Variants in SEMA5A observed in about 807,000 individuals in gnomAD.
SEMA5A encodes semaphorin 5A, also known as semaphorin-5A.
SEMA5A carries 55 observed loss-of-function variants against 135.5 expected under a neutral mutation model. That is an observed-to-expected ratio of 0.41 (90% CI 0.33 to 0.51). SEMA5A has a LOEUF of 0.51. Ranked by LOEUF, SEMA5A falls within the 20% of genes least tolerant of loss-of-function variation. The pLI is 0.37. For synonymous variants in SEMA5A, 580 were observed against 546.5 expected (o/e 1.06, Z -0.85); for missense variants, 1,290 against 1,419.9 (o/e 0.91, Z 1.47).
chr5:9,103,982 A>T (rs1347014276), intron 16 of SEMA5A, among the ~76,000 whole-genome samples: 1 of 152,210 alleles, frequency 6.6e-6, no homozygotes, highest in Non-Finnish European at 1.5e-5. Flanking sequence ...GAGCTATAGA[A>T]AGACAAAAAG....
At position 9,154,057 on chromosome 5, in the gene SEMA5A, AAAAAAATAT is replaced by A. The variant is rs1352486869; in HGVS notation, c.1481+422_1481+430del. Among the ~76,000 whole-genome samples, 401 of 50,426 alleles carry A rather than the reference AAAAAAATAT, an allele frequency of 8.0e-3. 6 individuals carry two copies. The highest frequency in any genetic ancestry group is 0.018 in the African/African-American group (383 of 21,416). The allele number at this position is 50,426 out of a possible 152,430, so 33.1% of individuals were successfully genotyped here. ...TGAGACTGTGTCTCAAAAAAAAAAA[AAAAAAATAT>A]ATATATATATATATATATATATATA... On this transcript the variant is annotated intron_variant, in intron 12 of 22. Coordinates refer to ENST00000382496, the MANE Select transcript of SEMA5A (RefSeq NM_003966.3).
chr5:9,342,839 C>A (rs1415745107), intron 3 of SEMA5A, among the ~76,000 whole-genome samples: 2 of 152,126 alleles, frequency 1.3e-5, no homozygotes, highest in Non-Finnish European at 2.9e-5. Flanking sequence ...GTGAGTGTTG[C>A]CAAGATCAAT....
chr5:9,144,511 A>G (rs1170148221), intron 12 of SEMA5A, among the ~76,000 whole-genome samples: 1 of 152,170 alleles, frequency 6.6e-6, no homozygotes, highest in Non-Finnish European at 1.5e-5. Context: ...CCCCTCAGAA[A>G]GAACATTTGT....
intron 16 of SEMA5A, among the ~76,000 whole-genome samples, chr5:9,076,051 A>G (rs1390799683): frequency 6.6e-6 from 1 of 152,006 alleles, no homozygotes. Flanking sequence ...CTAAAAATAC[A>G]AAAATTAGCT....
intron 6 of SEMA5A, among the ~76,000 whole-genome samples, chr5:9,235,578 G>C (rs752763132): frequency 2.6e-5 from 4 of 152,096 alleles, no homozygotes; most frequent in Non-Finnish European, 5.9e-5. Context: ...GATCGGACGA[G>C]GAAATAGCAC....
At chr5:9,337,511 C>T (rs1230424216) in intron 4 of SEMA5A, among the ~76,000 whole-genome samples, 5 of 152,246 alleles carry the variant, frequency 3.3e-5, no homozygotes, top group South Asian at 2.1e-4. Context: ...GGTGAGGGCC[C>T]GATCAATGCT....
At chr5:9,409,767 CG>C (rs1338376824) in intron 2 of SEMA5A, among the ~76,000 whole-genome samples, 1 of 151,960 alleles carries the variant, frequency 6.6e-6, no homozygotes, top group Admixed American at 6.6e-5. Context: ...GGCATTAGAT[CG>C]GGGGGCTGTG....
chr5:9,146,552 TGAG>T (rs983986471), intron 12 of SEMA5A, among the ~76,000 whole-genome samples: 31 of 152,312 alleles, frequency 2.0e-4, no homozygotes, highest in Middle Eastern at 3.4e-3. Flanking sequence ...GAACATTAGG[TGAG>T]GAGATTAGGT....
rs185560275 is a variant in SEMA5A, at chr5:9,265,274, C to T, written c.271-27384G>A. Among the ~76,000 whole-genome samples, 108 of 152,224 alleles carry T rather than the reference C, an allele frequency of 7.1e-4. No homozygotes were observed. In the Middle Eastern group the frequency reaches 0.01, roughly 14 times the overall value. On this transcript the variant is annotated intron_variant, in intron 5 of 22. Coordinates refer to ENST00000382496, the MANE Select transcript of SEMA5A (RefSeq NM_003966.3). ...AATTACATATTCCCCTCCTGAGGCT[C>T]CTCTTGTGGATGAGGTGCTCTAGAC...
chr5:9,201,006 T>A (rs1184444602), intron 9 of SEMA5A, among the ~76,000 whole-genome samples: 4 of 152,232 alleles, frequency 2.6e-5, no homozygotes, highest in African/African-American at 9.6e-5. Flanking sequence ...ACCTCATTTA[T>A]CAGCACTTCC....
intron 16 of SEMA5A, among the ~76,000 whole-genome samples, chr5:9,090,035 G>A (rs988874864): frequency 3.3e-5 from 5 of 152,136 alleles, no homozygotes; most frequent in Non-Finnish European, 2.9e-5. Context: ...GTGTATACAT[G>A]TGTAATTTAT....
chr5:9,333,756 A>G (rs1273462943), intron 4 of SEMA5A, among the ~76,000 whole-genome samples: 3 of 152,228 alleles, frequency 2.0e-5, no homozygotes, highest in African/African-American at 7.2e-5. Flanking sequence ...GTAGGAACAA[A>G]TAGAAATCAA....
intron 1 of SEMA5A, among the ~76,000 whole-genome samples, chr5:9,470,743 C>G (rs998671989): frequency 6.6e-6 from 1 of 152,180 alleles, no homozygotes; most frequent in Non-Finnish European, 1.5e-5. Flanking sequence ...ATGACAGCCA[C>G]CCCAGAAATC....
At chr5:9,518,702 G>A (rs1006369587) in intron 1 of SEMA5A, among the ~76,000 whole-genome samples, 1 of 152,156 alleles carries the variant, frequency 6.6e-6, no homozygotes, top group Non-Finnish European at 1.5e-5. Context: ...CAGATCAGAT[G>A]TTACTTCCTT....
At chr5:9,394,650 G>A (rs745435300) in intron 2 of SEMA5A, among the ~76,000 whole-genome samples, 1 of 152,184 alleles carries the variant, frequency 6.6e-6, no homozygotes, top group Non-Finnish European at 1.5e-5. Flanking sequence ...TTTTGGAAGT[G>A]TGGGAATCAT....
rs138948083 is a variant in SEMA5A, at chr5:9,273,308, G to A, written c.271-35418C>T. Among the ~76,000 whole-genome samples, 508 of 152,162 alleles carry A rather than the reference G, an allele frequency of 3.3e-3. 3 individuals carry two copies. Among genetic ancestry groups the A allele is most frequent in the African/African-American group, 0.012 (497 of 41,514 alleles). ...AGAGAAAAAAGAAGTGAAAAGAAAT[G>A]AACAAAGCCCCCAAGAAATATGGGA... On this transcript the variant is annotated intron_variant, in intron 5 of 22. Transcript: ENST00000382496.
intron 1 of SEMA5A, among the ~76,000 whole-genome samples, chr5:9,543,320 C>T (rs456885): frequency 6.6e-6 from 1 of 152,120 alleles, no homozygotes; most frequent in Admixed American, 6.5e-5. Context: ...GTATTTATTT[C>T]GGTCTCGTGG....
At chr5:9,395,368 G>C (rs1471431268) in intron 2 of SEMA5A, among the ~76,000 whole-genome samples, 1 of 152,158 alleles carries the variant, frequency 6.6e-6, no homozygotes, top group East Asian at 1.9e-4. Flanking sequence ...TTATTCTCAT[G>C]TAAAGTTGGG....
At chr5:9,155,703 TAGTCAA>T (rs1742917620) in intron 11 of SEMA5A, among the ~76,000 whole-genome samples, 2 of 152,316 alleles carry the variant, frequency 1.3e-5, no homozygotes, top group South Asian at 2.1e-4. Flanking sequence ...AAACCAGAAG[TAGTCAA>T]GAATATTTGA....
Sources: allele counts gnomAD v4.1 joint callset (sites outside exome capture counted in the v4.1 genomes callset), GRCh38; gene constraint gnomAD v4.1.1; transcripts MANE v1.5; gene names NCBI Gene and HGNC (gene_info 2026-07-23, HGNC 2026-07-21).